FREM2: variants seen among roughly 807,000 people sequenced by gnomAD.
FREM2 encodes the protein FRAS1-related extracellular matrix protein 2.
A neutral mutation model predicts 219.9 loss-of-function variants in FREM2; 119 were observed. The ratio of observed to expected loss-of-function variants is 0.54; its 90% CI spans 0.47 to 0.63. The LOEUF is 0.63. Ranked by LOEUF, FREM2 falls within the 30% of genes least tolerant of loss-of-function variation. The pLI, the probability that FREM2 is intolerant of heterozygous loss-of-function variation, is 0.00. For synonymous variants in FREM2, 1,562 were observed against 1,522.8 expected (o/e 1.03, Z -0.60); for missense variants, 4,030 against 3,993.6 (o/e 1.01, Z -0.25).
chr13:38,815,542 G>A (rs1275864671), intron 6 of FREM2, among the ~76,000 whole-genome samples: 1 of 152,180 alleles, frequency 6.6e-6, no homozygotes, highest in Non-Finnish European at 1.5e-5. Flanking sequence ...TACAAAGGAT[G>A]ATGAGAGGCT....
At chr13:38,872,131 G>T (rs1044573978) in intron 16 of FREM2, among the ~76,000 whole-genome samples, 1 of 152,286 alleles carries the variant, frequency 6.6e-6, no homozygotes, top group African/African-American at 2.4e-5. Flanking sequence ...GGGGAATTAA[G>T]TATTGAAACG....
In FREM2 at chr13:38,884,692, G is replaced by C. The variant is rs994893268; in HGVS notation, c.*3905G>C. The C allele has an allele frequency of 6.6e-6, 1 of 152,036 alleles. No homozygotes were observed. Among genetic ancestry groups the C allele is most frequent in the Non-Finnish European group, 1.5e-5 (1 of 68,000 alleles). The allele number at this position is 152,036 out of a possible 1,614,324, so 9.4% of individuals were successfully genotyped here. Reference sequence around the variant, plus strand: ...TATGGCCAATAAATGGGACCCAAACGTTCAATCTGTTCAGTTTACCAAGGT... The same window carrying C: ...TATGGCCAATAAATGGGACCCAAACCTTCAATCTGTTCAGTTTACCAAGGT... On this transcript the variant is annotated 3_prime_UTR_variant, in exon 24 of 24. Coordinates refer to ENST00000280481, the MANE Select transcript of FREM2 (RefSeq NM_207361.6).
chr13:38,818,292 A>G (rs1875849401), intron 6 of FREM2, among the ~76,000 whole-genome samples: 1 of 152,172 alleles, frequency 6.6e-6, no homozygotes, highest in South Asian at 2.1e-4. Context: ...TAAGTATTCA[A>G]CAATGGATGA....
chr13:38,691,959 C>T lies in FREM2; in HGVS notation c.4615C>T (p.His1539Tyr), dbSNP rs1336544493. ...CAATAAAAAGCCAGTGGTCACCATC[C>T]ACAAGCTGGTTGTCAGTGAAAGTGA... ...VDNKKPVVTI[H>Y]KLVVSESENK... Residue 1539 changes from histidine (H) to tyrosine (Y), a missense_variant, in exon 1 of 24, where the codon CAC becomes TAC. Transcript: ENST00000280481. 3.7e-6 allele frequency: 6 copies of T among 1,614,072 alleles called. No homozygotes were observed. The highest frequency in any genetic ancestry group is 1.1e-5 in the South Asian group (1 of 91,096).
chr13:38,858,782 C>G (rs1877652803), intron 13 of FREM2, among the ~76,000 whole-genome samples: 1 of 152,028 alleles, frequency 6.6e-6, no homozygotes, highest in South Asian at 2.1e-4. Context: ...GAAGAGTTCT[C>G]ACATGGAAGA....
intron 10 of FREM2, 63 bp downstream of exon 10, chr13:38,851,171 G>C: frequency 6.4e-7 from 1 of 1,558,648 alleles, no homozygotes; most frequent in Non-Finnish European, 8.8e-7. Context: ...CCAAGTCAAG[G>C]TTTTAAGTGA....
chr13:38,879,091 C>A, intron 23 of FREM2, 114 bp downstream of exon 23: 1 of 994,434 alleles, frequency 1.0e-6, no homozygotes, highest in Non-Finnish European at 1.6e-6. Flanking sequence ...ATATTGCATA[C>A]AGTTAATGGG....
chr13:38,857,992 A>C lies in FREM2; in HGVS notation c.7174A>C (p.Ser2392Arg), dbSNP rs745513152. The C allele has an allele frequency of 6.2e-7, 1 of 1,614,056 alleles. No homozygotes were observed. The highest frequency in any genetic ancestry group is 2.2e-5 in the East Asian group (1 of 44,872). ...TGACGACACTTCCAAAGCTAAGGAG[A>C]GTGCTGAACCCATGTCTGGCTATCC... is the stretch of plus-strand genomic sequence containing the variant. ...MYDDTSKAKESAEPMSGYPVI... is the reference protein window; with the variant it reads ...MYDDTSKAKERAEPMSGYPVI... Residue 2392 changes from serine (S) to arginine (R), a missense_variant, in exon 13 of 24, where the codon AGT becomes CGT. Ser to Arg is a moderately radical substitution (Grantham distance 110). Transcript: ENST00000280481.
intron 15 of FREM2, 143 bp from the exon 16 acceptor site, chr13:38,864,132 A>G: frequency 1.4e-6 from 1 of 695,350 alleles, no homozygotes; most frequent in Non-Finnish European, 2.5e-6. Context: ...CCGGGCCTGG[A>G]CACCACTTTG....
Position 38,692,441 on chromosome 13 carries a change from C to T in FREM2, c.5097C>T (p.Ile1699=), listed in dbSNP as rs537753004. 35 of 1,613,754 alleles carry T rather than the reference C, an allele frequency of 2.2e-5. No homozygotes were observed. In the East Asian group the frequency reaches 2.7e-4, roughly 12 times the overall value. The change falls in exon 1 of 24, where the codon ATC becomes ATT. Residue 1699 remains isoleucine (I), a synonymous_variant. Coordinates refer to ENST00000280481, the MANE Select transcript of FREM2 (RefSeq NM_207361.6). ...RDSLHISLRF[I]VTEAPQHGYL... ...GCTTACACATTTCTCTTAGATTTAT[C>T]GTGACAGAGGCCCCTCAACATGGAT...
intron 2 of FREM2, among the ~76,000 whole-genome samples, chr13:38,754,901 G>GATT (rs6145018): frequency 0.066 from 8,540 of 128,496 alleles, 675 homozygotes; most frequent in African/African-American, 0.17. Flanking sequence ...TGATGATGAT[G>GATT]ATTATTATTA....
At chr13:38,798,816 G>T (rs1439743507) in intron 6 of FREM2, among the ~76,000 whole-genome samples, 1 of 151,972 alleles carries the variant, frequency 6.6e-6, no homozygotes, top group African/African-American at 2.4e-5. Context: ...CAGTGGTAAA[G>T]TTTCCTTCTT....
intron 2 of FREM2, among the ~76,000 whole-genome samples, chr13:38,748,658 G>T (rs1872578831): frequency 6.6e-6 from 1 of 152,084 alleles, no homozygotes; most frequent in African/African-American, 2.4e-5. Context: ...AAAGACCCTA[G>T]GAATTACTGC....
chr13:38,789,330 T>C (rs1353949803), intron 6 of FREM2, among the ~76,000 whole-genome samples: 2 of 151,898 alleles, frequency 1.3e-5, no homozygotes, highest in Non-Finnish European at 2.9e-5. Context: ...TTGTGTATAT[T>C]ATCTACATTT....
intron 6 of FREM2, among the ~76,000 whole-genome samples, chr13:38,797,990 GGGA>G (rs1874860438): frequency 6.6e-6 from 1 of 152,024 alleles, no homozygotes; most frequent in South Asian, 2.1e-4. Flanking sequence ...GATTGCTGTG[GGGA>G]GGACTTTCAG....
intron 3 of FREM2, among the ~76,000 whole-genome samples, chr13:38,764,804 T>TA (rs1566133838): frequency 6.6e-6 from 1 of 152,252 alleles, no homozygotes; most frequent in Non-Finnish European, 1.5e-5. Context: ...GTAACAACAG[T>TA]AAATTGTTAA....
At chr13:38,752,656 C>T (rs976017138) in intron 2 of FREM2, among the ~76,000 whole-genome samples, 1 of 152,076 alleles carries the variant, frequency 6.6e-6, no homozygotes, top group Non-Finnish European at 1.5e-5. Context: ...TTGTATTTTC[C>T]CTTTCTATAT....
At chr13:38,844,852 A>G (rs1173369445) in intron 6 of FREM2, among the ~76,000 whole-genome samples, 1 of 152,196 alleles carries the variant, frequency 6.6e-6, no homozygotes, top group East Asian at 1.9e-4. Flanking sequence ...TGGTTTGGCC[A>G]TCTGGTCAGA....
chr13:38,810,635 G>A (rs1159996402), intron 6 of FREM2, among the ~76,000 whole-genome samples: 1 of 151,910 alleles, frequency 6.6e-6, no homozygotes, highest in Admixed American at 6.6e-5. Flanking sequence ...ATTTGCATAT[G>A]TTAAACCATC....
Sources: allele counts gnomAD v4.1 joint callset (sites outside exome capture counted in the v4.1 genomes callset), GRCh38; gene constraint gnomAD v4.1.1; transcripts MANE v1.5; gene names NCBI Gene and HGNC (gene_info 2026-07-23, HGNC 2026-07-21).